DIP2C: variants seen among roughly 807,000 people sequenced by gnomAD.
The protein encoded by DIP2C is DIP2 acetate--CoA ligase C (putative).
Under a neutral mutation model 192.4 loss-of-function variants are expected in DIP2C, and 33 were observed. The ratio of observed to expected loss-of-function variants is 0.17; its 90% confidence interval spans 0.13 to 0.23. The LOEUF is 0.23. Among genes scored for constraint, DIP2C ranks in the 10% least tolerant of loss-of-function variants. DIP2C has a pLI of 1.00. For missense variants in DIP2C, 1,537 were observed against 2,110.1 expected (o/e 0.73, Z 5.32); for synonymous variants, 979 against 864.1 (o/e 1.13, Z -2.33).
chr10:334,379 C>T (rs1178398966), intron 29 of DIP2C, among the ~76,000 whole-genome samples: 1 of 148,830 alleles, frequency 6.7e-6, no homozygotes, highest in Non-Finnish European at 1.5e-5. Context: ...TTATAATTTG[C>T]AAATATTTTT....
chr10:372,842 G>T (rs1005953627), intron 17 of DIP2C, among the ~76,000 whole-genome samples: 3 of 152,228 alleles, frequency 2.0e-5, no homozygotes, highest in African/African-American at 7.2e-5. Flanking sequence ...CACACTGGCA[G>T]CCTCACAGCC....
chr10:665,423 T>C (rs1857024887), intron 1 of DIP2C: 1 of 152,166 alleles, frequency 6.6e-6, no homozygotes, highest in South Asian at 2.1e-4. Context: ...AAGTTTTAAT[T>C]GTGTGAGTCC....
intron 1 of DIP2C, among the ~76,000 whole-genome samples, chr10:512,189 T>C (rs921972174): frequency 6.6e-6 from 1 of 152,222 alleles, no homozygotes; most frequent in Non-Finnish European, 1.5e-5. Context: ...CTTGTTTTTA[T>C]CCTAGAGGCA....
At chr10:440,689 CATA>C (rs1242242086) in intron 4 of DIP2C, among the ~76,000 whole-genome samples, 179 bp downstream of exon 4, 3 of 152,172 alleles carry the variant, frequency 2.0e-5, no homozygotes, top group Non-Finnish European at 2.9e-5. Context: ...TATACAGATA[CATA>C]ATAATGTTAC....
chr10:377,846 A>G (rs1961814053), intron 17 of DIP2C, among the ~76,000 whole-genome samples: 1 of 152,150 alleles, frequency 6.6e-6, no homozygotes, highest in Admixed American at 6.5e-5. Context: ...TTCTGGAATT[A>G]TTGTTTCATT....
Position 588,603 on chromosome 10 carries a change from G to T in DIP2C, c.85+100891C>A, listed in dbSNP as rs148064661. Among the ~76,000 whole-genome samples, 1,002 of 152,316 alleles carry T rather than the reference G, an allele frequency of 6.6e-3. 9 individuals carry two copies. The highest frequency in any genetic ancestry group is 0.026 in the South Asian group (127 of 4,826). On this transcript the variant is annotated intron_variant, in intron 1 of 36. Transcript: ENST00000280886. ...GAGGTCCCGGCAGAGGTCCCAGGAGGCAAGTCCAAGCGCAGAGGCTCGTGG... is the reference window on the plus strand; with the variant it reads ...GAGGTCCCGGCAGAGGTCCCAGGAGTCAAGTCCAAGCGCAGAGGCTCGTGG...
intron 1 of DIP2C, among the ~76,000 whole-genome samples, chr10:677,735 C>A (rs1830922809): frequency 6.6e-6 from 1 of 152,156 alleles, no homozygotes; most frequent in African/African-American, 2.4e-5. Context: ...TAAATATTCA[C>A]ACAACTCGGA....
intron 3 of DIP2C, among the ~76,000 whole-genome samples, chr10:455,358 CAGTGAGT>C (rs1969210101): frequency 8.6e-6 from 1 of 116,206 alleles, no homozygotes; most frequent in Non-Finnish European, 1.8e-5. Flanking sequence ...GAAAACACTG[CAGTGAGT>C]CCCTGCCTGA....
intron 2 of DIP2C, among the ~76,000 whole-genome samples, chr10:486,056 G>C (rs1390930459): frequency 6.6e-6 from 1 of 152,202 alleles, no homozygotes. Context: ...CCAAGTCCTG[G>C]GCGGGGTATC....
In DIP2C at chr10:363,073, G is replaced by T; in HGVS notation, c.2592+124C>A. On this transcript the variant is annotated intron_variant, in intron 21 of 36. Coordinates refer to ENST00000280886, the MANE Select transcript of DIP2C (RefSeq NM_014974.3). The surrounding 1 kb of genome is among the most constrained non-coding windows in gnomAD (Gnocchi z 5.4). ...CACTTGATGTAGTTCCTGATCAAAT[G>T]AAGGGAAGGGAAAAAGGGCCACCCC... 1.3e-6 allele frequency: 1 copy of T among 770,176 alleles called. No individual in the cohort carries two copies. Among genetic ancestry groups the T allele is most frequent in the Non-Finnish European group, 2.1e-6 (1 of 481,924 alleles). The allele number at this position is 770,176 out of a possible 1,614,324, so 47.7% of individuals were successfully genotyped here.
chr10:420,600 G>A (rs746693694), intron 5 of DIP2C, among the ~76,000 whole-genome samples: 34 of 152,288 alleles, frequency 2.2e-4, no homozygotes, highest in Non-Finnish European at 2.5e-4. Flanking sequence ...GCTTGTAGAT[G>A]GACAGCGGGT....
In DIP2C at chr10:537,520, G is replaced by GC. The variant is rs1847755445; in HGVS notation, c.86-50991dup. 2.6e-5 allele frequency among the ~76,000 whole-genome samples: 4 copies of GC among 151,904 alleles called. No homozygotes were observed. In the South Asian group the frequency reaches 8.4e-4, roughly 32 times the overall value. The stretch of plus-strand genomic sequence containing the variant: ...TAACTACGACCTGGCTCCAGCATCT[G>GC]CCCCCCACACATTTGTCCCCAGGGC... On this transcript the variant is annotated intron_variant, in intron 1 of 36. Coordinates refer to ENST00000280886, the MANE Select transcript of DIP2C (RefSeq NM_014974.3).
rs1490223519 is a variant in DIP2C, at chr10:487,576, T to TTTG, written c.86-1047_86-1046insCAA. 9.4e-3 allele frequency among the ~76,000 whole-genome samples: 1,175 copies of TTTG among 125,040 alleles called. 43 individuals carry two copies. The highest frequency in any genetic ancestry group is 0.035 in the African/African-American group (1,086 of 31,122). 82.0% of individuals were successfully genotyped at this position (125,040 alleles called of 152,430 possible). ...CCGCCCATCAATGAGTGTTTTTTTTTTTTTTTTTTTTTTTTTTTTTTGAGA... is the reference window on the plus strand; with the variant it reads ...CCGCCCATCAATGAGTGTTTTTTTTTTTGTTTTTTTTTTTTTTTTTTTTTGAGA... On this transcript the variant is annotated intron_variant, in intron 1 of 36. Coordinates refer to ENST00000280886, the MANE Select transcript of DIP2C (RefSeq NM_014974.3).
chr10:602,528 C>T (rs1264182942), intron 1 of DIP2C, among the ~76,000 whole-genome samples: 1 of 152,182 alleles, frequency 6.6e-6, no homozygotes, highest in East Asian at 1.9e-4. Context: ...CTGAAGGAGC[C>T]CTCCTGCTCC....
At chr10:592,481 G>A (rs1261385188) in intron 1 of DIP2C, among the ~76,000 whole-genome samples, 1 of 151,462 alleles carries the variant, frequency 6.6e-6, no homozygotes, top group Non-Finnish European at 1.5e-5. Flanking sequence ...CCTCAGCAGT[G>A]AAAATAAACT....
chr10:360,501 A>G (rs1223138638), intron 22 of DIP2C, among the ~76,000 whole-genome samples: 1 of 152,180 alleles, frequency 6.6e-6, no homozygotes, highest in Non-Finnish European at 1.5e-5. Context: ...CTACCATGCA[A>G]TGCTTGGCGA....
At chr10:461,096 A>G (rs1048402080) in intron 3 of DIP2C, among the ~76,000 whole-genome samples, 4 of 152,268 alleles carry the variant, frequency 2.6e-5, no homozygotes, top group African/African-American at 7.2e-5. Context: ...CTGCAAAAAC[A>G]TAACAAATTG....
intron 1 of DIP2C, among the ~76,000 whole-genome samples, chr10:586,497 C>T (rs980727236): frequency 4.7e-5 from 7 of 149,990 alleles, no homozygotes; most frequent in Admixed American, 3.3e-4. Context: ...CCCTAAGTCC[C>T]GCTTCATGGT....
intron 4 of DIP2C, 80 bp from the exon 5 acceptor site, chr10:423,113 T>A (rs570222528): frequency 1.1e-5 from 14 of 1,329,578 alleles, no homozygotes; most frequent in Middle Eastern, 2.2e-4. Context: ...CAAACACAGA[T>A]TTACTTCACG....
Sources: gnomAD v4.1 joint callset for allele counts (sites outside exome capture counted in the v4.1 genomes callset) on GRCh38, gnomAD v4.1.1 for gene constraint, Gnocchi (gnomAD v3.1) non-coding constraint, MANE v1.5 for transcripts, NCBI Gene and HGNC (gene_info 2026-07-23, HGNC 2026-07-21) for gene names.